Variants in CAST observed in about 807,000 individuals in gnomAD.
CAST encodes MIR583 host.
Under a neutral mutation model 119.6 loss-of-function variants are expected in CAST, and 76 were observed. The observed-to-expected ratio is 0.64, with a 90% CI of 0.53 to 0.77. The LOEUF is 0.77. CAST is among the 30% of genes least tolerant of loss of function. CAST has a pLI of 0.00. For missense variants in CAST, 953 were observed against 946.5 expected (o/e 1.01, Z -0.09); for synonymous variants, 319 against 331.6 (o/e 0.96, Z 0.41).
chr5:96,527,324 GCTAT>G (rs1745611483), upstream of CAST, among the ~76,000 whole-genome samples: 1 of 152,278 alleles, frequency 6.6e-6, no homozygotes, highest in Admixed American at 6.5e-5. Context: ...TATCACTCCA[GCTAT>G]CTGTTTAGGA....
the CAST span, among the ~76,000 whole-genome samples, chr5:96,138,921 T>C: frequency 6.6e-6 from 1 of 151,964 alleles, no homozygotes; most frequent in Non-Finnish European, 1.5e-5. Context: ...TTATTTCCTA[T>C]TTTTGTCTTA....
chr5:96,259,194 C>T, the CAST span, among the ~76,000 whole-genome samples: 1 of 152,176 alleles, frequency 6.6e-6, no homozygotes, highest in African/African-American at 2.4e-5. Flanking sequence ...TTTGAAAATA[C>T]AGCATACATT....
chr5:96,405,588 T>A, the CAST span, among the ~76,000 whole-genome samples: 1 of 152,170 alleles, frequency 6.6e-6, no homozygotes, highest in Non-Finnish European at 1.5e-5. Flanking sequence ...TAAGAATTTC[T>A]TGAACCGGAG....
intron 1 of CAST, chr5:96,630,943 A>AT (rs140912281): frequency 0.23 from 26,957 of 119,406 alleles, 6,637 homozygotes; most frequent in African/African-American, 0.43. Context: ...ACTAAAAAAA[A>AT]TTTTTTTAAA....
At chr5:96,672,812 T>C (rs1003142770) in intron 1 of CAST, among the ~76,000 whole-genome samples, 2 of 152,150 alleles carry the variant, frequency 1.3e-5, no homozygotes, top group African/African-American at 4.8e-5. Context: ...ATTATACTTT[T>C]GTGTATTTTA....
the CAST span, among the ~76,000 whole-genome samples, chr5:96,487,221 T>C: frequency 3.3e-5 from 5 of 152,182 alleles, no homozygotes; most frequent in African/African-American, 1.2e-4. Context: ...CCATACCATA[T>C]GTGTTTAAAA....
the CAST span, among the ~76,000 whole-genome samples, chr5:96,506,088 C>T: frequency 1.3e-5 from 2 of 152,178 alleles, no homozygotes; most frequent in African/African-American, 4.8e-5. Flanking sequence ...CATTTTTCCC[C>T]GTCAGGGTAG....
chr5:96,759,102 AT>A lies in CAST; in HGVS notation c.1833+1449del, dbSNP rs376363267. Among the ~76,000 whole-genome samples the A allele has an allele frequency of 1.6e-3, 240 of 152,348 alleles. 1 individual carries two copies. In the Middle Eastern group the frequency reaches 0.02, roughly 13 times the overall value. ...TGAGATGAAACAACCTTTAAAAAAA[AT>A]CTTACTCTTAGAAAATTAGCAAAGG... On this transcript the variant is annotated intron_variant, in intron 24 of 31. Transcript: ENST00000675179.
At chr5:96,680,361 AAAAAAAAAAAAAAAAAAAGAAG>A (rs1047617553) in intron 2 of CAST, among the ~76,000 whole-genome samples, 2 of 130,812 alleles carry the variant, frequency 1.5e-5, no homozygotes, top group African/African-American at 6.5e-5. Flanking sequence ...TCTCAAAAAA[AAAAAAAAAAAAAAAAAAAGAAG>A]AAGAAGAAAA....
intron 1 of CAST, among the ~76,000 whole-genome samples, chr5:96,580,267 A>G (rs958005728): frequency 6.6e-6 from 1 of 152,272 alleles, no homozygotes; most frequent in Non-Finnish European, 1.5e-5. Context: ...ATGTAGAAAA[A>G]GTATCGTAAA....
Position 96,767,954 on chromosome 5 carries a change from G to A in CAST, c.2223G>A (p.Leu741=). The change falls in exon 29 of 32, where the codon CTG becomes CTA. Residue 741 remains leucine, a synonymous_variant. Transcript: ENST00000675179. ...QDPIDALSGD[L]DSCPSTTETS... ...CCATTGATGCTCTCTCAGGAGATCT[G>A]GACAGCTGTCCCTCCACTACAGAAA... 3 of 1,613,582 alleles carry A rather than the reference G, an allele frequency of 1.9e-6. No individual in the cohort carries two copies. Among genetic ancestry groups the A allele is most frequent in the Non-Finnish European group, 2.5e-6 (3 of 1,179,642 alleles).
the CAST span, among the ~76,000 whole-genome samples, chr5:96,139,945 A>G: frequency 0.053 from 8,090 of 152,242 alleles, 282 homozygotes; most frequent in Non-Finnish European, 0.08. Flanking sequence ...AATGCTTTAC[A>G]TCCATTGCAA....
chr5:96,696,881 A>G (rs987952698), intron 3 of CAST, among the ~76,000 whole-genome samples: 13 of 151,892 alleles, frequency 8.6e-5, no homozygotes, highest in Non-Finnish European at 1.3e-4. Flanking sequence ...GTCTAATTTT[A>G]TAATGTTAGC....
chr5:96,025,842 G>T, the CAST span, among the ~76,000 whole-genome samples: 2 of 152,224 alleles, frequency 1.3e-5, no homozygotes, highest in African/African-American at 2.4e-5. Context: ...CATGTGTAAA[G>T]TTGGACTATC....
At chr5:96,218,169 T>A in the CAST span, among the ~76,000 whole-genome samples, 1 of 152,234 alleles carries the variant, frequency 6.6e-6, no homozygotes, top group South Asian at 2.1e-4. Context: ...GCTATGTGAC[T>A]CACACTAGGT....
the CAST span, among the ~76,000 whole-genome samples, chr5:96,407,482 T>C: frequency 0.02 from 3,051 of 152,308 alleles, 103 homozygotes; most frequent in African/African-American, 0.07. Flanking sequence ...CTTTCACACA[T>C]ATATTCCTGG....
At chr5:96,528,761 T>C (rs1745639334), upstream of CAST, among the ~76,000 whole-genome samples, 1 of 152,224 alleles carries the variant, frequency 6.6e-6, no homozygotes, top group Non-Finnish European at 1.5e-5. Context: ...TTGGCACAAG[T>C]GATTATTTCT....
intron 3 of CAST, chr5:96,703,024 G>A (rs1754179582): frequency 1.2e-5 from 10 of 809,290 alleles, no homozygotes; most frequent in Non-Finnish European, 1.5e-5. Context: ...CCCTGCAGCG[G>A]ACTCCCCAGG....
the CAST span, among the ~76,000 whole-genome samples, chr5:96,284,621 A>G: frequency 6.6e-6 from 1 of 152,166 alleles, no homozygotes; most frequent in African/African-American, 2.4e-5. Flanking sequence ...GGACAAATAG[A>G]AAATACTAGC....
Sources: allele counts gnomAD v4.1 joint callset (sites outside exome capture counted in the v4.1 genomes callset), GRCh38; gene constraint gnomAD v4.1.1; transcripts MANE v1.5; gene names NCBI Gene and HGNC (gene_info 2026-07-23, HGNC 2026-07-21).